Variants in CARMIL1 observed in about 807,000 individuals in gnomAD.
CARMIL1 encodes the protein F-actin-uncapping protein LRRC16A.
CARMIL1 carries 90 observed loss-of-function variants against 177.1 expected under a neutral mutation model. The ratio of observed to expected loss-of-function variants is 0.51; its 90% CI spans 0.43 to 0.61. The LOEUF (loss-of-function observed/expected upper bound fraction) is 0.61, where lower values mean the gene tolerates loss of function less well. Among genes scored for constraint, CARMIL1 ranks in the 20% least tolerant of loss-of-function variants. The probability of loss-of-function intolerance (pLI) is 0.00; values close to 1 mark genes in which losing one functional copy is unlikely to be tolerated. For missense variants in CARMIL1, 1,380 were observed against 1,667.0 expected (o/e 0.83, Z 3.00); for synonymous variants, 577 against 606.2 (o/e 0.95, Z 0.71).
At chr6:25,483,935 T>A (rs1802380488) in intron 12 of CARMIL1, among the ~76,000 whole-genome samples, 1 of 152,004 alleles carries the variant, frequency 6.6e-6, no homozygotes, top group South Asian at 2.1e-4. Context: ...ACCCTGCTAA[T>A]TTTTTTGTAG....
At chr6:25,417,278 A>G (rs912626947) in intron 2 of CARMIL1, among the ~76,000 whole-genome samples, 1 of 152,032 alleles carries the variant, frequency 6.6e-6, no homozygotes, top group Non-Finnish European at 1.5e-5. Context: ...GGTGCCTTTT[A>G]TCTCCCTTTC....
In CARMIL1 at chr6:25,500,252, A is replaced by C; in HGVS notation, c.1395+17A>C. On this transcript the variant is annotated intron_variant, in intron 17 of 36. Coordinates refer to ENST00000329474, the MANE Select transcript of CARMIL1 (RefSeq NM_017640.6). ...AACTGTGAGGTAAGAACACCCTTAG[A>C]TTGTATACTGGAATAGATAATAGCC... The C allele has an allele frequency of 6.2e-7, 1 of 1,607,914 alleles. No individual in the cohort carries two copies. Among genetic ancestry groups the C allele is most frequent in the Non-Finnish European group, 8.5e-7 (1 of 1,174,546 alleles).
chr6:25,522,774 C>G (rs1806703719), intron 23 of CARMIL1, among the ~76,000 whole-genome samples: 1 of 152,092 alleles, frequency 6.6e-6, no homozygotes, highest in Non-Finnish European at 1.5e-5. Context: ...TGCTTATTCT[C>G]ACAGCACAGT....
At chr6:25,466,480 A>G (rs1179394418) in intron 9 of CARMIL1, among the ~76,000 whole-genome samples, 2 of 152,206 alleles carry the variant, frequency 1.3e-5, no homozygotes, top group Non-Finnish European at 2.9e-5. Context: ...AATATTTGGT[A>G]TATTTTATTA....
chr6:25,297,340 T>TC (rs1330295955), intron 2 of CARMIL1, among the ~76,000 whole-genome samples: 1 of 152,194 alleles, frequency 6.6e-6, no homozygotes, highest in Non-Finnish European at 1.5e-5. Flanking sequence ...GAATTTTATC[T>TC]CCCCCAAATT....
intron 31 of CARMIL1, among the ~76,000 whole-genome samples, chr6:25,590,494 T>TA (rs1464862847): frequency 2.0e-5 from 3 of 152,190 alleles, no homozygotes; most frequent in Non-Finnish European, 4.4e-5. Context: ...ACTATCTCCA[T>TA]AAAATTGATT....
At chr6:25,547,956 G>A (rs80031822) in intron 26 of CARMIL1, among the ~76,000 whole-genome samples, 287 of 152,242 alleles carry the variant, frequency 1.9e-3, no homozygotes, top group African/African-American at 6.5e-3. Flanking sequence ...TGAGCTGAGT[G>A]TAGAGGAGTA....
intron 17 of CARMIL1, among the ~76,000 whole-genome samples, chr6:25,500,841 A>G (rs763534750): frequency 6.6e-6 from 1 of 151,132 alleles, no homozygotes; most frequent in Non-Finnish European, 1.5e-5. Flanking sequence ...GATTTTGGCC[A>G]CTCTGCCTCC....
chr6:25,343,588 C>T (rs182134014), intron 2 of CARMIL1, among the ~76,000 whole-genome samples: 28 of 152,270 alleles, frequency 1.8e-4, no homozygotes, highest in Admixed American at 5.2e-4. Flanking sequence ...CCTGGACTCC[C>T]GTGTCATCTC....
intron 32 of CARMIL1, among the ~76,000 whole-genome samples, chr6:25,596,587 G>A (rs909052517): frequency 8.6e-5 from 13 of 151,920 alleles, no homozygotes; most frequent in African/African-American, 2.7e-4. Flanking sequence ...TACTGTAACC[G>A]CTAACTTCTT....
intron 2 of CARMIL1, among the ~76,000 whole-genome samples, chr6:25,332,529 C>T (rs1561995008): frequency 6.6e-6 from 1 of 151,940 alleles, no homozygotes. Flanking sequence ...GAATCCAGGA[C>T]GATTCCCAGG....
chr6:25,434,139 C>G (rs1162078031), intron 4 of CARMIL1, among the ~76,000 whole-genome samples: 1 of 152,144 alleles, frequency 6.6e-6, no homozygotes. Context: ...TAGGCTCAAG[C>G]AATCGTCCTG....
At position 25,577,116 on chromosome 6, in the gene CARMIL1, A is replaced by G; in HGVS notation, c.2743-3808A>G. On this transcript the variant is annotated intron_variant, in intron 29 of 36. Coordinates refer to ENST00000329474, the MANE Select transcript of CARMIL1 (RefSeq NM_017640.6). The surrounding 1 kb of genome is among the most constrained non-coding windows in gnomAD (Gnocchi z 4.5). ...CTGTAGTGTTGTCATCCATCTGCAGATCCTGAATGAAATAGGCAACAATTT... is the reference window on the plus strand; with the variant it reads ...CTGTAGTGTTGTCATCCATCTGCAGGTCCTGAATGAAATAGGCAACAATTT... The G allele has an allele frequency of 1.0e-6, 1 of 985,298 alleles. No individual in the cohort carries two copies. The highest frequency in any genetic ancestry group is 1.2e-6 in the Non-Finnish European group (1 of 829,916). 61.0% of individuals were successfully genotyped at this position (985,298 alleles called of 1,614,324 possible).
chr6:25,332,953 A>G (rs1785843825), intron 2 of CARMIL1, among the ~76,000 whole-genome samples: 1 of 152,154 alleles, frequency 6.6e-6, no homozygotes, highest in Non-Finnish European at 1.5e-5. Context: ...ATGACCCAAG[A>G]GTCCTTCATT....
At chr6:25,282,840 T>G (rs748317334) in intron 1 of CARMIL1, among the ~76,000 whole-genome samples, 29 of 152,192 alleles carry the variant, frequency 1.9e-4, no homozygotes, top group Admixed American at 6.5e-4. Flanking sequence ...TGTGAATTTC[T>G]TTTATGACAT....
intron 3 of CARMIL1, among the ~76,000 whole-genome samples, chr6:25,421,881 G>T (rs71555196): frequency 8.9e-6 from 1 of 112,202 alleles, no homozygotes; most frequent in Non-Finnish European, 1.8e-5. Context: ...GGGGTGGGGG[G>T]AGGGGGGGAG....
intron 4 of CARMIL1, among the ~76,000 whole-genome samples, chr6:25,427,847 G>A (rs545363454): frequency 4.6e-5 from 7 of 152,170 alleles, no homozygotes; most frequent in Admixed American, 3.9e-4. Context: ...TTGCCATCAC[G>A]TATTTCCTTC....
chr6:25,351,715 C>G (rs1360413599), intron 2 of CARMIL1, among the ~76,000 whole-genome samples: 1 of 152,150 alleles, frequency 6.6e-6, no homozygotes, highest in African/African-American at 2.4e-5. Flanking sequence ...GCTACTTGAC[C>G]TTGGGTCAAT....
intron 27 of CARMIL1, among the ~76,000 whole-genome samples, chr6:25,551,609 T>C (rs1367496730): frequency 1.3e-5 from 2 of 152,172 alleles, no homozygotes; most frequent in Non-Finnish European, 2.9e-5. Context: ...TTGAAAAATA[T>C]GACAAGATGT....
Sources: gnomAD v4.1 joint callset for allele counts (sites outside exome capture counted in the v4.1 genomes callset) on GRCh38, gnomAD v4.1.1 for gene constraint, Gnocchi (gnomAD v3.1) non-coding constraint, MANE v1.5 for transcripts, NCBI Gene and HGNC (gene_info 2026-07-23, HGNC 2026-07-21) for gene names.